B4GALT6: variants seen among roughly 807,000 people sequenced by gnomAD.
B4GALT6 encodes beta-1,4-galactosyltransferase 6.
Under a neutral mutation model 46.3 loss-of-function variants are expected in B4GALT6, and 14 were observed. That is an observed-to-expected ratio of 0.30 (90% CI 0.20 to 0.47). The LOEUF is 0.47. Among genes scored for constraint, B4GALT6 ranks in the 20% least tolerant of loss-of-function variants. The probability of loss-of-function intolerance (pLI) is 0.99; values close to 1 mark genes in which losing one functional copy is unlikely to be tolerated. For missense variants in B4GALT6, 386 were observed against 480.1 expected, an observed-to-expected ratio of 0.80 and a Z score of 1.83; for synonymous variants, 168 against 162.0, an observed-to-expected ratio of 1.04 and a Z score of -0.28.
At chr18:31,666,178 C>A in intron 2 of B4GALT6, 78 bp downstream of exon 2, 1 of 735,752 alleles carries the variant, frequency 1.4e-6, no homozygotes, top group Non-Finnish European at 2.2e-6. Context: ...CAGGAAGTTA[C>A]CTGAAGGCAA....
At chr18:31,708,849 G>A in the B4GALT6 span, among the ~76,000 whole-genome samples, 11 of 152,190 alleles carry the variant, frequency 7.2e-5, no homozygotes, top group Admixed American at 5.2e-4. Context: ...TCAGGTTTTC[G>A]AATAAATGAA....
intron 3 of B4GALT6, among the ~76,000 whole-genome samples, chr18:31,648,888 T>C (rs981297673): frequency 2.0e-5 from 3 of 152,228 alleles, no homozygotes; most frequent in Admixed American, 6.5e-5. Context: ...TTGGAGCCTA[T>C]ATCTATTTTT....
chr18:31,648,701 G>A (rs2074022591), intron 3 of B4GALT6, among the ~76,000 whole-genome samples: 1 of 152,216 alleles, frequency 6.6e-6, no homozygotes, highest in Non-Finnish European at 1.5e-5. Flanking sequence ...CACATGACAT[G>A]ATTTAGGATT....
chr18:31,716,324 G>T, the B4GALT6 span, among the ~76,000 whole-genome samples: 2 of 152,138 alleles, frequency 1.3e-5, no homozygotes, highest in Non-Finnish European at 2.9e-5. Flanking sequence ...GTTCAAACTG[G>T]ATAATGCAAT....
intron 5 of B4GALT6, among the ~76,000 whole-genome samples, chr18:31,636,980 C>T (rs941703803): frequency 2.6e-5 from 4 of 152,134 alleles, no homozygotes; most frequent in Non-Finnish European, 5.9e-5. Flanking sequence ...GCCACCATGC[C>T]CGGCTAATTT....
chr18:31,721,880 C>CTG, the B4GALT6 span, among the ~76,000 whole-genome samples: 4 of 151,210 alleles, frequency 2.6e-5, no homozygotes, highest in African/African-American at 9.7e-5. Context: ...CTCTCTCTCT[C>CTG]TGTGTGTGTA....
chr18:31,658,491 A>G, intron 2 of B4GALT6: 1 of 158,308 alleles, frequency 6.3e-6, no homozygotes, highest in Non-Finnish European at 1.4e-5. Flanking sequence ...CACAGAGCAG[A>G]GGGGTGGGAG....
chr18:31,710,814 C>CCACACACACACACACA, the B4GALT6 span, among the ~76,000 whole-genome samples: 15,440 of 140,020 alleles, frequency 0.11, 964 homozygotes, highest in Non-Finnish European at 0.13. Flanking sequence ...CCTGAATACA[C>CCACACACACACACACA]CACACACACA....
At chr18:31,696,585 C>T in the B4GALT6 span, among the ~76,000 whole-genome samples, 1 of 152,120 alleles carries the variant, frequency 6.6e-6, no homozygotes, top group African/African-American at 2.4e-5. Flanking sequence ...AGATATAGAA[C>T]AATTTAGCTT....
intron 1 of B4GALT6, among the ~76,000 whole-genome samples, chr18:31,668,372 T>C (rs1263849693): frequency 1.3e-5 from 2 of 152,168 alleles, no homozygotes; most frequent in Admixed American, 6.5e-5. Context: ...GCTCACTACC[T>C]AGGTGGCAGG....
chr18:31,673,353 G>C (rs1293424275), intron 1 of B4GALT6, among the ~76,000 whole-genome samples: 1 of 152,204 alleles, frequency 6.6e-6, no homozygotes, highest in Non-Finnish European at 1.5e-5. Flanking sequence ...GAAAGTTCCA[G>C]AAGCAGAAGG....
chr18:31,680,084 G>GA lies in B4GALT6; in HGVS notation c.115+4227dup, dbSNP rs1567984960. ...ACATGTGGCCAGTAAGGGAGGCCCAGAAAAAAGAGATGCCCAATACCATGG... is the reference window on the plus strand; with the variant it reads ...ACATGTGGCCAGTAAGGGAGGCCCAGAAAAAAAGAGATGCCCAATACCATGG... On this transcript the variant is annotated intron_variant, in intron 1 of 8. Transcript: ENST00000306851. Among the ~76,000 whole-genome samples the GA allele has an allele frequency of 7.2e-5, 11 of 152,186 alleles. No individual in the cohort carries two copies. In the South Asian group the frequency reaches 2.3e-3, roughly 32 times the overall value.
chr18:31,704,220 G>A, the B4GALT6 span, among the ~76,000 whole-genome samples: 2 of 149,488 alleles, frequency 1.3e-5, no homozygotes, highest in Admixed American at 6.7e-5. Flanking sequence ...AAGAACATGA[G>A]ATTTTTTTTT....
chr18:31,698,768 T>C, the B4GALT6 span, among the ~76,000 whole-genome samples: 1 of 151,688 alleles, frequency 6.6e-6, no homozygotes, highest in Non-Finnish European at 1.5e-5. Flanking sequence ...AAAGGTCAGC[T>C]CATTAAAAAG....
At chr18:31,700,831 G>GT in the B4GALT6 span, among the ~76,000 whole-genome samples, 1 of 151,990 alleles carries the variant, frequency 6.6e-6, no homozygotes, top group Non-Finnish European at 1.5e-5. Flanking sequence ...GTATCAACCT[G>GT]GATCTCAGAG....
At chr18:31,698,635 G>GA in the B4GALT6 span, among the ~76,000 whole-genome samples, 78 of 125,042 alleles carry the variant, frequency 6.2e-4, no homozygotes, top group Admixed American at 1.3e-3. Flanking sequence ...TATCTCAAAA[G>GA]AAAAAAAAAA....
the B4GALT6 span, among the ~76,000 whole-genome samples, chr18:31,712,287 A>ACT: frequency 7.7e-3 from 649 of 84,642 alleles, 76 homozygotes; most frequent in African/African-American, 0.031. Context: ...CTGGGACGTT[A>ACT]TTTTTTTTTT....
intron 6 of B4GALT6, among the ~76,000 whole-genome samples, chr18:31,630,208 G>A (rs2073768988): frequency 6.6e-6 from 1 of 152,056 alleles, no homozygotes; most frequent in East Asian, 1.9e-4. Context: ...CTGTACTCTA[G>A]ATTAGCACCA....
chr18:31,720,282 C>T, the B4GALT6 span, among the ~76,000 whole-genome samples: 4 of 152,170 alleles, frequency 2.6e-5, no homozygotes, highest in African/African-American at 7.2e-5. Context: ...CCTGAAATAC[C>T]GCTCCTAGTC....
Sources: allele counts gnomAD v4.1 joint callset (sites outside exome capture counted in the v4.1 genomes callset), GRCh38; gene constraint gnomAD v4.1.1; transcripts MANE v1.5; gene names NCBI Gene and HGNC (gene_info 2026-07-23, HGNC 2026-07-21).